The following TM6SF2 variants were observed in gnomAD, a reference collection of about 807,000 sequenced individuals.
TM6SF2 encodes transmembrane 6 superfamily member 2.
TM6SF2 carries 29 observed loss-of-function variants against 41.0 expected under a neutral mutation model. That is an observed-to-expected ratio of 0.71 (90% confidence interval 0.53 to 0.96). The LOEUF (loss-of-function observed/expected upper bound fraction) is 0.96, where lower values mean the gene tolerates loss of function less well. TM6SF2 is among the 50% of genes least tolerant of loss of function. The probability of loss-of-function intolerance (pLI) is 0.00; values close to 1 mark genes in which losing one functional copy is unlikely to be tolerated. For missense variants in TM6SF2, 475 were observed against 499.0 expected (o/e 0.95, Z 0.46); for synonymous variants, 200 against 209.1 (o/e 0.96, Z 0.37).
At chr19:19,268,785 C>CA in intron 5 of TM6SF2, 31 bp from the exon 6 acceptor site, 1 of 1,557,050 alleles carries the variant, frequency 6.4e-7, no homozygotes, top group East Asian at 2.5e-5. Flanking sequence ...GGGCATCAGC[C>CA]ATGCCAGAAC....
chr19:19,270,041 C>G (rs1256852735), intron 4 of TM6SF2, 132 bp downstream of exon 4: 2 of 1,533,050 alleles, frequency 1.3e-6, no homozygotes, highest in Admixed American at 2.0e-5. Context: ...CTGGCCACCC[C>G]TGGCTGGAGC....
At position 19,270,419 on chromosome 19, in the gene TM6SF2, A is replaced by C. The variant is rs749644443; in HGVS notation, c.223T>G (p.Ser75Ala). 7.5e-6 allele frequency: 12 copies of C among 1,608,634 alleles called. No individual in the cohort carries two copies. The highest frequency in any genetic ancestry group is 1.0e-5 in the Non-Finnish European group (12 of 1,176,780). ...AGAGCGATGATGAGGTCCACAACCGAGGTGAAGGCGAAGACAGCGAAGACT... is the reference window on the plus strand; with the variant it reads ...AGAGCGATGATGAGGTCCACAACCGCGGTGAAGGCGAAGACAGCGAAGACT... ...YAVFAVFAFT[S>A]VVDLIIALQE... Residue 75 changes from serine to alanine, a missense_variant, in exon 3 of 10, where the codon TCG becomes GCG. By Grantham distance (99) the Ser-to-Ala change is moderately conservative (BLOSUM62 1). Coordinates refer to ENST00000389363, the MANE Select transcript of TM6SF2 (RefSeq NM_001001524.3).
rs371882936 is a variant in TM6SF2 at position 19,271,077 on chromosome 19, G to A, written c.144C>T (p.Phe48=). The change falls in exon 2 of 10, where the codon TTC becomes TTT. Residue 48 remains phenylalanine (F), a synonymous_variant. Coordinates refer to ENST00000389363, the MANE Select transcript of TM6SF2 (RefSeq NM_001001524.3). ...LMSALILGLL[F]VAVYSLSHGE... ...CATGGGACAAGCTGTAGACCGCCAC[G>A]AAAAGCAGACCCAGGATTAGGGCGC... 2.2e-5 allele frequency: 36 copies of A among 1,614,180 alleles called. No individual in the cohort carries two copies. Among genetic ancestry groups the A allele is most frequent in the Middle Eastern group, 1.6e-4 (1 of 6,062 alleles).
At chr19:19,266,145 C>G (rs1174814991) in intron 9 of TM6SF2, among the ~76,000 whole-genome samples, 1 of 152,116 alleles carries the variant, frequency 6.6e-6, no homozygotes, top group African/African-American at 2.4e-5. Context: ...TGCTAAGTCA[C>G]TCTCTCCCTC....
chr19:19,273,061 T>TGGGCCCCCCCC, intron 1 of TM6SF2, 60 bp downstream of exon 1: 1 of 305,470 alleles, frequency 3.3e-6, no homozygotes, highest in Non-Finnish European at 6.1e-6. Context: ...CCTCCAGTCC[T>TGGGCCCCCCCC]CCCCGCCCCC....
rs749356484 is a variant in TM6SF2, at chr19:19,273,129, C to A, written c.87G>T (p.Ala29=). The A allele has an allele frequency of 1.4e-6, 2 of 1,465,268 alleles. No homozygotes were observed. The highest frequency in any genetic ancestry group is 6.2e-5 in the East Asian group (2 of 32,068). 90.8% of individuals were successfully genotyped at this position (1,465,268 alleles called of 1,614,324 possible). A position where few individuals can be genotyped will look rare whatever the true frequency, so the allele number is the denominator to read the frequency against. The change falls in exon 1 of 10, where the codon GCG becomes GCT. Residue 29 remains alanine, a synonymous_variant. Coordinates refer to ENST00000389363, the MANE Select transcript of TM6SF2 (RefSeq NM_001001524.3). ...PVSYALNHVS[A]LSHPLWVALM... The stretch of plus-strand genomic sequence containing the variant: ...CCCCTCTCCGCACGCACTGCGAGAG[C>A]GCCGAGACGTGGTTGAGCGCGTAGG...
chr19:19,271,119 C>T lies in TM6SF2; in HGVS notation c.102G>A (p.Leu34=). 2 of 1,614,020 alleles carry T rather than the reference C, an allele frequency of 1.2e-6. No homozygotes were observed. Among genetic ancestry groups the T allele is most frequent in the Non-Finnish European group, 1.7e-6 (2 of 1,179,868 alleles). ...LNHVSALSHP[L]WVALMSALIL... is the part of the protein sequence containing the mutation. Reference sequence around the variant, plus strand: ...TTAGGGCGCTCATCAATGCCACCCACAGGGGGCTGTGGAGAGGGAAGCCAA... The same window carrying T: ...TTAGGGCGCTCATCAATGCCACCCATAGGGGGCTGTGGAGAGGGAAGCCAA... The change falls in exon 2 of 10, where the codon CTG becomes CTA. Residue 34 remains leucine (L), a synonymous_variant. Coordinates refer to ENST00000389363, the MANE Select transcript of TM6SF2 (RefSeq NM_001001524.3).
At chr19:19,268,808 C>A in intron 5 of TM6SF2, 54 bp from the exon 6 acceptor site, 1 of 1,527,180 alleles carries the variant, frequency 6.5e-7, no homozygotes, top group Non-Finnish European at 8.7e-7. Context: ...TGCTGGACAT[C>A]TGTTTGTTTG....
intron 1 of TM6SF2, 63 bp downstream of exon 1, chr19:19,273,058 T>TCCAGCCCC: frequency 4.3e-6 from 2 of 470,236 alleles, no homozygotes; most frequent in Non-Finnish European, 3.8e-6. Flanking sequence ...CCACCTCCAG[T>TCCAGCCCC]CCTCCCCGCC....
In TM6SF2 at chr19:19,268,658, C is replaced by T. The variant is rs372689252; in HGVS notation, c.581G>A (p.Arg194Gln). 1.3e-5 allele frequency: 21 copies of T among 1,588,714 alleles called. No individual in the cohort carries two copies. The highest frequency in any genetic ancestry group is 1.2e-4 in the East Asian group (5 of 43,214). Residue 194 changes from arginine (R) to glutamine (Q), a missense_variant, in exon 6 of 10, where the codon CGG (arginine) becomes CAG (glutamine). Arg to Gln is a conservative substitution (Grantham distance 43). This residue lies in a region of TM6SF2 where 47 missense variants were observed against 80.3 expected (regional missense o/e 0.59). Coordinates refer to ENST00000389363, the MANE Select transcript of TM6SF2 (RefSeq NM_001001524.3). ...WAGMKVFSQP[R>Q]ALTRCTANMV... The stretch of plus-strand genomic sequence containing the variant: ...GTTGGCGGTGCAGCGGGTTAGCGCC[C>T]GGGGCTGGCTGAAGACCTTCATGCC...
At chr19:19,272,661 A>G (rs1448164511) in intron 1 of TM6SF2, among the ~76,000 whole-genome samples, 1 of 151,416 alleles carries the variant, frequency 6.6e-6, no homozygotes, top group African/African-American at 2.4e-5. Flanking sequence ...ACAAGAGGAA[A>G]GTCACAGGCC....
intron 9 of TM6SF2, 80 bp downstream of exon 9, chr19:19,266,410 A>T: frequency 6.4e-7 from 1 of 1,573,790 alleles, no homozygotes; most frequent in Non-Finnish European, 8.7e-7. Context: ...TACAGTGCCC[A>T]GGGAGGACAC....
intron 7 of TM6SF2, 29 bp from the exon 8 acceptor site, chr19:19,267,742 TCA>T (rs2061008410): frequency 6.2e-7 from 1 of 1,602,612 alleles, no homozygotes; most frequent in South Asian, 1.1e-5. Flanking sequence ...CCAAGAACCC[TCA>T]GACATACCTC....
intron 8 of TM6SF2, among the ~76,000 whole-genome samples, chr19:19,267,186 T>C (rs911884102): frequency 4.6e-5 from 7 of 151,766 alleles, no homozygotes; most frequent in African/African-American, 1.7e-4. Flanking sequence ...CTGACCAACA[T>C]GGCAAAACCC....
At chr19:19,273,061 TCCC>T in intron 1 of TM6SF2, 57 bp downstream of exon 1, 7 of 305,470 alleles carry the variant, frequency 2.3e-5, no homozygotes, top group Non-Finnish European at 3.6e-5. Context: ...CCTCCAGTCC[TCCC>T]CGCCCCCGCC....
In TM6SF2 at chr19:19,269,712, C is replaced by T. The variant is rs1406239578; in HGVS notation, c.459G>A (p.Leu153=). Residue 153 remains leucine (L), a synonymous_variant, in exon 5 of 10, where the codon CTG becomes CTA. Coordinates refer to ENST00000389363, the MANE Select transcript of TM6SF2 (RefSeq NM_001001524.3). ...CAAGAATGTTTCCTGTAAGGAACAC[C>T]AGGATGCTCATGGCGAAGGAACCCA... ...YWLGSFAMSI[L]VFLTGNILGK... 1.2e-6 allele frequency: 2 copies of T among 1,614,046 alleles called. No individual in the cohort carries two copies. The highest frequency in any genetic ancestry group is 3.3e-5 in the Admixed American group (2 of 60,006).
chr19:19,268,046 A>T lies in TM6SF2; in HGVS notation c.651T>A (p.Ala217=). 6.2e-7 allele frequency: 1 copy of T among 1,614,132 alleles called. No homozygotes were observed. Among genetic ancestry groups the T allele is most frequent in the Non-Finnish European group, 8.5e-7 (1 of 1,180,020 alleles). Reference sequence around the variant, plus strand: ...TGAGATATATGACAAGGGCCAGGTCAGCCGGACGCTGCAGGAGTCCCTTTC... The same window carrying T: ...TGAGATATATGACAAGGGCCAGGTCTGCCGGACGCTGCAGGAGTCCCTTTC... ...EQRKGLLQRP[A]DLALVIYLIL... is the part of the protein sequence containing the mutation. Residue 217 remains alanine (A), a synonymous_variant, in exon 7 of 10, where the codon GCT becomes GCA. Transcript: ENST00000389363.
In TM6SF2 at chr19:19,268,737, T is replaced by C. The variant is rs2061012515; in HGVS notation, c.502A>G (p.Ile168Val). ...ATGGTGAGGAAGAAGGCAGGCCTGA[T>C]CTCGGAGCTGTATTTGCCTTCCATG... ...GNILGKYSSE[I>V]RPAFFLTIPY... The change falls in exon 6 of 10, where the codon ATC (isoleucine) becomes GTC (valine). Residue 168 changes from isoleucine (I) to valine (V), a missense_variant. Ile to Val is a conservative substitution (Grantham distance 29). Around this residue, in one of 3 missense-constraint regions of TM6SF2, gnomAD observed 238 missense variants for 228.6 expected, o/e 1.04. Transcript: ENST00000389363. 6.2e-7 allele frequency: 1 copy of C among 1,604,642 alleles called. No homozygotes were observed. The highest frequency in any genetic ancestry group is 8.5e-7 in the Non-Finnish European group (1 of 1,176,778).
chr19:19,269,337 C>T (rs1351714769), intron 5 of TM6SF2, among the ~76,000 whole-genome samples: 4 of 152,208 alleles, frequency 2.6e-5, no homozygotes, highest in African/African-American at 9.6e-5. Flanking sequence ...ATGCCAACCT[C>T]CCAGACTGCC....
Sources: allele counts gnomAD v4.1 joint callset (sites outside exome capture counted in the v4.1 genomes callset), GRCh38; gene constraint gnomAD v4.1.1; regional missense constraint gnomAD v4.1.1; transcripts MANE v1.5; gene names NCBI Gene and HGNC (gene_info 2026-07-23, HGNC 2026-07-21).